Variants in PRELID2 observed in about 807,000 individuals in gnomAD.
PRELID2 encodes PRELI domain containing 2.
PRELID2 carries 25 observed loss-of-function variants against 28.4 expected under a neutral mutation model. The observed-to-expected ratio is 0.88, with a 90% confidence interval of 0.64 to 1.23. PRELID2 has a LOEUF of 1.23. PRELID2 is among the 50% of genes most tolerant of loss of function. The pLI, the probability that PRELID2 is intolerant of heterozygous loss-of-function variation, is 0.00. For synonymous variants in PRELID2, 76 were observed against 71.6 expected (o/e 1.06, Z -0.31); for missense variants, 201 against 214.4 (o/e 0.94, Z 0.39).
intron 5 of PRELID2, among the ~76,000 whole-genome samples, chr5:145,774,517 T>G (rs574227099): frequency 6.6e-6 from 1 of 152,322 alleles, no homozygotes; most frequent in Admixed American, 6.5e-5. Context: ...AAGTAGCTAC[T>G]GATTTATATA....
At chr5:145,777,427 T>C (rs563713297) in intron 5 of PRELID2, among the ~76,000 whole-genome samples, 1 of 152,326 alleles carries the variant, frequency 6.6e-6, no homozygotes, top group Non-Finnish European at 1.5e-5. Flanking sequence ...ATGTGCTCAG[T>C]CTGAGTCCCA....
chr5:145,279,600 T>G, the PRELID2 span, among the ~76,000 whole-genome samples: 1 of 152,290 alleles, frequency 6.6e-6, no homozygotes, highest in South Asian at 2.1e-4. Flanking sequence ...TGCCTAAAAT[T>G]AACATTATAA....
chr5:145,460,336 A>G, the PRELID2 span, among the ~76,000 whole-genome samples: 40 of 152,336 alleles, frequency 2.6e-4, no homozygotes, highest in African/African-American at 9.6e-4. Flanking sequence ...TTGCTATAGT[A>G]GTAAGATATA....
intron 1 of PRELID2, among the ~76,000 whole-genome samples, chr5:145,567,369 T>G (rs998559426): frequency 3.3e-5 from 5 of 151,878 alleles, no homozygotes; most frequent in Non-Finnish European, 7.4e-5. Flanking sequence ...TGGTTTGGTT[T>G]GGTTTGGTTT....
chr5:145,471,275 A>G (rs900602614), downstream of PRELID2, among the ~76,000 whole-genome samples: 1 of 152,100 alleles, frequency 6.6e-6, no homozygotes, highest in African/African-American at 2.4e-5. Flanking sequence ...AACTTCAGAG[A>G]GCTTCTCCTT....
At chr5:145,330,277 G>A in the PRELID2 span, among the ~76,000 whole-genome samples, 1 of 152,144 alleles carries the variant, frequency 6.6e-6, no homozygotes, top group Non-Finnish European at 1.5e-5. Context: ...TCAGGATGAT[G>A]TTTGCCTCAT....
intron 1 of PRELID2, among the ~76,000 whole-genome samples, chr5:145,731,373 G>A (rs890880617): frequency 6.6e-6 from 1 of 152,160 alleles, no homozygotes; most frequent in Non-Finnish European, 1.5e-5. Context: ...ATACTGACAG[G>A]GAATCCAGTG....
intron 1 of PRELID2, among the ~76,000 whole-genome samples, chr5:145,650,725 T>C (rs1048542026): frequency 2.0e-5 from 3 of 151,952 alleles, no homozygotes; most frequent in African/African-American, 7.2e-5. Flanking sequence ...AAATCTATCA[T>C]GTCTTAGTTT....
At chr5:145,726,520 G>C (rs909549008) in intron 1 of PRELID2, among the ~76,000 whole-genome samples, 20 of 152,038 alleles carry the variant, frequency 1.3e-4, no homozygotes, top group African/African-American at 7.3e-5. Flanking sequence ...ATGAATAGAT[G>C]GATAAGTAGA....
At chr5:145,244,222 TG>T in the PRELID2 span, among the ~76,000 whole-genome samples, 1 of 152,088 alleles carries the variant, frequency 6.6e-6, no homozygotes, top group Non-Finnish European at 1.5e-5. Context: ...CCCAAAGTGC[TG>T]GGATTATAGG....
chr5:145,245,603 G>C, the PRELID2 span, among the ~76,000 whole-genome samples: 506 of 152,164 alleles, frequency 3.3e-3, 6 homozygotes, highest in African/African-American at 0.012. Context: ...ACAAGGTCAG[G>C]GGTCCTGATT....
chr5:145,593,590 T>C (rs1753261499), intron 1 of PRELID2, among the ~76,000 whole-genome samples: 1 of 151,610 alleles, frequency 6.6e-6, no homozygotes, highest in Non-Finnish European at 1.5e-5. Context: ...AGAAAACTAA[T>C]GAAAAAGAAA....
At chr5:145,419,709 T>C in the PRELID2 span, among the ~76,000 whole-genome samples, 44 of 152,312 alleles carry the variant, frequency 2.9e-4, no homozygotes, top group Non-Finnish European at 5.1e-4. Context: ...TAGTTTGTTT[T>C]GCTGTGCAGA....
the PRELID2 span, among the ~76,000 whole-genome samples, chr5:145,330,832 CT>C: frequency 1.3e-5 from 2 of 151,992 alleles, no homozygotes; most frequent in African/African-American, 4.8e-5. Flanking sequence ...AATTTCTTTG[CT>C]CTTGCTTCTT....
chr5:145,566,977 A>C (rs1254108982), intron 1 of PRELID2, among the ~76,000 whole-genome samples: 1 of 152,054 alleles, frequency 6.6e-6, no homozygotes, highest in East Asian at 1.9e-4. Context: ...AACATGTATT[A>C]TTTACACTAA....
the PRELID2 span, among the ~76,000 whole-genome samples, chr5:145,416,574 G>T: frequency 1.3e-5 from 2 of 152,082 alleles, no homozygotes; most frequent in Non-Finnish European, 2.9e-5. Context: ...ATTTAAGGCA[G>T]AAATCAGGAA....
At chr5:145,781,612 CTATA>C in intron 5 of PRELID2, among the ~76,000 whole-genome samples, 1 of 145,560 alleles carries the variant, frequency 6.9e-6, no homozygotes, top group East Asian at 2.0e-4. Flanking sequence ...TATATACACA[CTATA>C]TATATACTAT....
intron 5 of PRELID2, among the ~76,000 whole-genome samples, chr5:145,778,920 T>C (rs1193780714): frequency 3.9e-5 from 6 of 152,126 alleles, no homozygotes; most frequent in African/African-American, 9.7e-5. Flanking sequence ...GTACTCACCA[T>C]AGTGAATTGT....
downstream of PRELID2, among the ~76,000 whole-genome samples, chr5:145,469,635 C>T (rs1242957915): frequency 6.6e-6 from 1 of 152,036 alleles, no homozygotes; most frequent in Non-Finnish European, 1.5e-5. Flanking sequence ...TAGATGGAAG[C>T]AATGACCAGC....
Sources: gnomAD v4.1 joint callset for allele counts (sites outside exome capture counted in the v4.1 genomes callset) on GRCh38, gnomAD v4.1.1 for gene constraint, MANE v1.5 for transcripts, NCBI Gene and HGNC (gene_info 2026-07-23, HGNC 2026-07-21) for gene names.